Variants in ASPH observed in about 807,000 individuals in gnomAD.
ASPH encodes aspartyl/asparaginyl beta-hydroxylase.
In ASPH, 100 loss-of-function variants were observed where a neutral mutation model predicts 118.4. The ratio of observed to expected loss-of-function variants is 0.84; its 90% CI spans 0.72 to 1.00. The LOEUF is 1.00. Ranked by LOEUF, ASPH falls within the 50% of genes least tolerant of loss-of-function variation. The pLI, the probability that ASPH is intolerant of heterozygous loss-of-function variation, is 0.00. For synonymous variants in ASPH, 315 were observed against 325.6 expected, an observed-to-expected ratio of 0.97 and a Z score of 0.35; for missense variants, 920 against 919.5, an observed-to-expected ratio of 1.00 and a Z score of -0.01.
intron 3 of ASPH, among the ~76,000 whole-genome samples, chr8:61,674,798 A>T (rs1824441581): frequency 6.6e-6 from 1 of 152,238 alleles, no homozygotes; most frequent in Admixed American, 6.5e-5. Context: ...TATAGAAGAC[A>T]AGAAATATTT....
At chr8:61,683,273 TA>T (rs202225096) in intron 2 of ASPH, among the ~76,000 whole-genome samples, 21 of 150,866 alleles carry the variant, frequency 1.4e-4, no homozygotes, top group East Asian at 7.8e-4. Context: ...ATGAATATAG[TA>T]AAAAAAAACT....
intron 13 of ASPH, 146 bp from the exon 14 acceptor site, chr8:61,619,165 A>G: frequency 1.8e-6 from 1 of 563,856 alleles, no homozygotes. Flanking sequence ...TAAATCCTGA[A>G]TTCATTACAC....
At chr8:61,634,808 T>A (rs1588416688) in intron 12 of ASPH, among the ~76,000 whole-genome samples, 1 of 152,330 alleles carries the variant, frequency 6.6e-6, no homozygotes, top group South Asian at 2.1e-4. Flanking sequence ...ATATTGTACA[T>A]CATAAAGTAT....
At chr8:61,589,999 C>G (rs1840608404) in intron 14 of ASPH, among the ~76,000 whole-genome samples, 1 of 152,060 alleles carries the variant, frequency 6.6e-6, no homozygotes, top group South Asian at 2.1e-4. Context: ...GTAACTCAAT[C>G]ACAATCAGGA....
At chr8:61,626,095 GA>G (rs1047308177) in intron 13 of ASPH, 169 of 1,237,470 alleles carry the variant, frequency 1.4e-4, no homozygotes, top group East Asian at 3.5e-4. Context: ...TTTCTAAAAA[GA>G]AAAAAAAATA....
At chr8:61,587,825 A>G (rs1337515962) in intron 14 of ASPH, among the ~76,000 whole-genome samples, 1 of 152,186 alleles carries the variant, frequency 6.6e-6, no homozygotes, top group Non-Finnish European at 1.5e-5. Flanking sequence ...CCCAACTGCT[A>G]AAAACCACAG....
At position 61,683,899 on chromosome 8, in the gene ASPH, C is replaced by G. The variant is rs1019112481; in HGVS notation, c.253+140G>C. ...TCCAAGGTAACCTTCTTCATATCCC[C>G]TTTCAGCCTCACTCTATTGAGAACC... On this transcript the variant is annotated intron_variant, in intron 2 of 24. Transcript: ENST00000379454. The G allele has an allele frequency of 4.1e-5, 41 of 990,886 alleles. No homozygotes were observed. In the African/African-American group the frequency reaches 6.1e-4, roughly 15 times the overall value. 61.4% of individuals were successfully genotyped at this position (990,886 alleles called of 1,614,324 possible).
At chr8:61,545,512 G>A (rs184257452) in intron 21 of ASPH, among the ~76,000 whole-genome samples, 2 of 152,362 alleles carry the variant, frequency 1.3e-5, no homozygotes, top group African/African-American at 4.8e-5. Flanking sequence ...GAATGTTAAT[G>A]TTTTAATAGA....
At chr8:61,542,515 C>T (rs1374242939) in intron 21 of ASPH, among the ~76,000 whole-genome samples, 4 of 152,158 alleles carry the variant, frequency 2.6e-5, no homozygotes, top group African/African-American at 9.6e-5. Flanking sequence ...AATCTTTTCC[C>T]CTTCCTCCTT....
At chr8:61,576,171 A>G (rs1479688043) in intron 16 of ASPH, among the ~76,000 whole-genome samples, 1 of 152,206 alleles carries the variant, frequency 6.6e-6, no homozygotes, top group African/African-American at 2.4e-5. Flanking sequence ...CCATCTCATA[A>G]AAGAATGCAA....
chr8:61,663,113 C>G (rs1002354490), intron 3 of ASPH: 2 of 985,232 alleles, frequency 2.0e-6, no homozygotes, highest in Non-Finnish European at 2.4e-6. Context: ...GAGAAAAGAT[C>G]TAACACGGGG....
At chr8:61,595,302 G>A (rs1035659007) in intron 14 of ASPH, among the ~76,000 whole-genome samples, 4 of 152,178 alleles carry the variant, frequency 2.6e-5, no homozygotes, top group Non-Finnish European at 5.9e-5. Context: ...AAGTTTACTT[G>A]AGCAATAGCA....
chr8:61,659,832 TAAC>T (rs1306147600), intron 3 of ASPH: 2 of 152,140 alleles, frequency 1.3e-5, no homozygotes, highest in Non-Finnish European at 2.9e-5. Context: ...GGAGAGAGCT[TAAC>T]AACAAAATAA....
chr8:61,571,023 T>A (rs1167260248), intron 16 of ASPH, among the ~76,000 whole-genome samples: 1 of 152,218 alleles, frequency 6.6e-6, no homozygotes, highest in Non-Finnish European at 1.5e-5. Flanking sequence ...TGCAAAATTT[T>A]AAAAATTTGT....
intron 21 of ASPH, among the ~76,000 whole-genome samples, chr8:61,541,409 AG>A (rs1821931286): frequency 6.6e-6 from 1 of 152,256 alleles, no homozygotes; most frequent in South Asian, 2.1e-4. Context: ...AAGTCACTCA[AG>A]GGCCAAAATC....
chr8:61,640,546 A>C (rs1346917582), intron 10 of ASPH, among the ~76,000 whole-genome samples: 1 of 152,202 alleles, frequency 6.6e-6, no homozygotes, highest in Non-Finnish European at 1.5e-5. Context: ...CCTCATCCAC[A>C]AACTAGGTAA....
At chr8:61,586,312 C>T (rs895133764) in intron 14 of ASPH, among the ~76,000 whole-genome samples, 1 of 152,200 alleles carries the variant, frequency 6.6e-6, no homozygotes, top group Non-Finnish European at 1.5e-5. Flanking sequence ...TTCATTTTCT[C>T]CTGCATCACG....
intron 17 of ASPH, among the ~76,000 whole-genome samples, chr8:61,563,437 T>C (rs1486163491): frequency 6.6e-6 from 1 of 152,130 alleles, no homozygotes. Flanking sequence ...TGGGGCCCTC[T>C]CGTGGACAAA....
intron 1 of ASPH, among the ~76,000 whole-genome samples, chr8:61,709,632 G>T (rs1194910933): frequency 6.6e-6 from 1 of 152,168 alleles, no homozygotes; most frequent in Non-Finnish European, 1.5e-5. Flanking sequence ...TTAAAGAGAA[G>T]TTCATTTGAA....
Sources: gnomAD v4.1 joint callset for allele counts (sites outside exome capture counted in the v4.1 genomes callset) on GRCh38, gnomAD v4.1.1 for gene constraint, MANE v1.5 for transcripts, NCBI Gene and HGNC (gene_info 2026-07-23, HGNC 2026-07-21) for gene names.